Variants in HIP1 observed in about 807,000 individuals in gnomAD.
HIP1 encodes the protein huntingtin interacting protein 1, also known as huntingtin-interacting protein 1.
Under a neutral mutation model 147.6 loss-of-function variants are expected in HIP1, and 65 were observed. The observed-to-expected ratio is 0.44, with a 90% CI of 0.36 to 0.54. The LOEUF (loss-of-function observed/expected upper bound fraction) is 0.54. HIP1 is among the 20% of genes least tolerant of loss of function. The pLI, the probability that HIP1 is intolerant of heterozygous loss-of-function variation, is 0.00. For missense variants in HIP1, 1,061 were observed against 1,299.6 expected, an observed-to-expected ratio of 0.82 and a Z score of 2.82; for synonymous variants, 479 against 504.0, an observed-to-expected ratio of 0.95 and a Z score of 0.67.
intron 7 of HIP1, among the ~76,000 whole-genome samples, chr7:75,576,140 C>T (rs937918568): frequency 1.3e-5 from 2 of 152,152 alleles, no homozygotes; most frequent in African/African-American, 2.4e-5. Context: ...AGTGTCATCA[C>T]GGACAAGTTG....
In HIP1 at chr7:75,568,771, G is replaced by A. The variant is rs1795504956; in HGVS notation, c.746-515C>T. Reference sequence around the variant, plus strand: ...CGCATGTAATCCCAGCACTTTGGGAGGCTGAGGCAGGAGAATCACTTGAGG... The same window carrying A: ...CGCATGTAATCCCAGCACTTTGGGAAGCTGAGGCAGGAGAATCACTTGAGG... On this transcript the variant is annotated intron_variant, in intron 8 of 30. Transcript: ENST00000336926. This position sits in a 1 kb window ranked among gnomAD's most constrained non-coding sequence, Gnocchi z 4.1. 1.3e-5 allele frequency among the ~76,000 whole-genome samples: 2 copies of A among 152,212 alleles called. No individual in the cohort carries two copies. Among genetic ancestry groups the A allele is most frequent in the South Asian group, 4.1e-4 (2 of 4,836 alleles).
chr7:75,664,370 A>ATG (rs1799476053), intron 1 of HIP1, among the ~76,000 whole-genome samples: 4 of 64,376 alleles, frequency 6.2e-5, no homozygotes, highest in African/African-American at 1.6e-4. Flanking sequence ...ACATATATAC[A>ATG]CATACATATG....
intron 1 of HIP1, among the ~76,000 whole-genome samples, chr7:75,605,031 C>T (rs1233726798): frequency 1.3e-5 from 2 of 152,126 alleles, no homozygotes; most frequent in African/African-American, 2.4e-5. Context: ...TAAACTGAGA[C>T]ACTGCTCAAG....
At chr7:75,702,228 A>G (rs183834072) in intron 1 of HIP1, among the ~76,000 whole-genome samples, 361 of 151,822 alleles carry the variant, frequency 2.4e-3, no homozygotes, top group African/African-American at 8.5e-3. Context: ...CTCCTGCCTC[A>G]GCCTCCCGAG....
At position 75,542,848 on chromosome 7, in the gene HIP1, T is replaced by C; in HGVS notation, c.2890+3A>G. ...AAGAAAAGGGTCCCTTTGGAAAGGC[T>C]ACCTGTCTCTTCGATCTGTGATTTG... On this transcript the variant is annotated splice_donor_region_variant and intron_variant, in intron 28 of 30. Transcript: ENST00000336926. The C allele has an allele frequency of 6.2e-7, 1 of 1,614,002 alleles. No individual in the cohort carries two copies. Among genetic ancestry groups the C allele is most frequent in the Non-Finnish European group, 8.5e-7 (1 of 1,179,938 alleles).
intron 1 of HIP1, among the ~76,000 whole-genome samples, chr7:75,672,175 A>G (rs1410365400): frequency 1.3e-5 from 2 of 152,166 alleles, no homozygotes; most frequent in Non-Finnish European, 2.9e-5. Flanking sequence ...TTCTTTGAAG[A>G]AATGTCTATT....
intron 1 of HIP1, among the ~76,000 whole-genome samples, chr7:75,685,896 T>C (rs868953728): frequency 6.6e-6 from 1 of 151,784 alleles, no homozygotes; most frequent in African/African-American, 2.4e-5. Context: ...GTGGCCTTTT[T>C]TTGTTGTTGT....
At chr7:75,604,697 A>AAGGGAGGG (rs587704645) in intron 1 of HIP1, among the ~76,000 whole-genome samples, 3 of 142,328 alleles carry the variant, frequency 2.1e-5, no homozygotes, top group Non-Finnish European at 4.6e-5. Context: ...GGAAGGAAGG[A>AAGGGAGGG]AGGGAGGGAG....
chr7:75,669,992 G>T (rs1799685566), intron 1 of HIP1, among the ~76,000 whole-genome samples: 1 of 152,004 alleles, frequency 6.6e-6, no homozygotes, highest in Non-Finnish European at 1.5e-5. Context: ...GTAGAGACGG[G>T]GTTTCGTCAT....
At position 75,663,936 on chromosome 7, in the gene HIP1, A is replaced by ATATATATACACATATATGTG. The variant is rs1563277841; in HGVS notation, c.121-64690_121-64689insCACATATATGTGTATATATA. On this transcript the variant is annotated intron_variant, in intron 1 of 30. Transcript: ENST00000336926. ...CTTCCATTATTTTATGTATGTGTGT[A>ATATATATACACATATATGTG]TATATATATATACACATATATGTGT... Among the ~76,000 whole-genome samples the ATATATATACACATATATGTG allele has an allele frequency of 2.5e-3, 64 of 25,152 alleles. 16 individuals are homozygous for ATATATATACACATATATGTG. The highest frequency in any genetic ancestry group is 0.026 in the Middle Eastern group (1 of 38). The allele number at this position is 25,152 out of a possible 152,430, so 16.5% of individuals were successfully genotyped here.
chr7:75,539,809 G>A (rs1202561269), intron 29 of HIP1, among the ~76,000 whole-genome samples: 4 of 152,118 alleles, frequency 2.6e-5, no homozygotes, highest in Non-Finnish European at 5.9e-5. Flanking sequence ...ATCTTCTACT[G>A]GAAGTGAATG....
chr7:75,658,249 A>C (rs1799204084), intron 1 of HIP1, among the ~76,000 whole-genome samples: 1 of 152,032 alleles, frequency 6.6e-6, no homozygotes, highest in African/African-American at 2.4e-5. Context: ...CATCACACCC[A>C]GCTAGTTTTT....
At chr7:75,669,774 T>A (rs1343336424) in intron 1 of HIP1, among the ~76,000 whole-genome samples, 2 of 152,164 alleles carry the variant, frequency 1.3e-5, no homozygotes, top group Admixed American at 6.6e-5. Flanking sequence ...TGTTTAAGCA[T>A]GTTGTAGCAT....
At chr7:75,663,939 T>G (rs1799398085) in intron 1 of HIP1, among the ~76,000 whole-genome samples, 1 of 140,140 alleles carries the variant, frequency 7.1e-6, no homozygotes. Context: ...TGTGTGTATA[T>G]ATATATATAC....
At chr7:75,603,342 T>TAAA (rs1797080636) in intron 1 of HIP1, among the ~76,000 whole-genome samples, 1 of 69,330 alleles carries the variant, frequency 1.4e-5, no homozygotes, top group Admixed American at 1.4e-4. Flanking sequence ...AGCGAGACTC[T>TAAA]CAAAAAAAAA....
In HIP1 at chr7:75,617,268, G is replaced by A. The variant is rs587754008; in HGVS notation, c.121-18021C>T. Among the ~76,000 whole-genome samples the A allele has an allele frequency of 1.3e-4, 20 of 152,050 alleles. 1 individual carries two copies. Among genetic ancestry groups the A allele is most frequent in the Middle Eastern group, 6.8e-3 (2 of 294 alleles). On this transcript the variant is annotated intron_variant, in intron 1 of 30. Coordinates refer to ENST00000336926, the MANE Select transcript of HIP1 (RefSeq NM_005338.7). ...TTGTTTTGTAGTTTTTAGTAGAGAC[G>A]GGGTTTCACCATGTTGACCAGGCTG...
In HIP1 at chr7:75,592,493, T is replaced by C. The variant is rs1554501022; in HGVS notation, c.206A>G (p.His69Arg). The C allele has an allele frequency of 1.2e-6, 2 of 1,611,062 alleles. No homozygotes were observed. The highest frequency in any genetic ancestry group is 1.7e-6 in the Non-Finnish European group (2 of 1,179,408). ...HARTCILGTH[H>R]EKGAQTFWSV... ...CCAGAAGGTCTGTGCCCCTTTCTCA[T>C]GGTGGGTGCCCAGTATGCACGGTGA... The change falls in exon 3 of 31, where the codon CAT (histidine) becomes CGT (arginine). Residue 69 changes from histidine (H) to arginine (R), a missense_variant. Around this residue, in one of 3 missense-constraint regions of HIP1, gnomAD observed 225 missense variants for 292.9 expected, o/e 0.77. Coordinates refer to ENST00000336926, the MANE Select transcript of HIP1 (RefSeq NM_005338.7).
chr7:75,689,360 G>T (rs1554517906), intron 1 of HIP1, among the ~76,000 whole-genome samples: 2 of 152,006 alleles, frequency 1.3e-5, no homozygotes, highest in Non-Finnish European at 2.9e-5. Context: ...CCAAAAATTA[G>T]CTGGGTATGG....
chr7:75,574,165 T>C (rs1275533457), intron 7 of HIP1, among the ~76,000 whole-genome samples: 1 of 152,108 alleles, frequency 6.6e-6, no homozygotes, highest in African/African-American at 2.4e-5. Flanking sequence ...TGGTGGCGCA[T>C]GCCTGTAATC....
Sources: allele counts gnomAD v4.1 joint callset (sites outside exome capture counted in the v4.1 genomes callset), GRCh38; gene constraint gnomAD v4.1.1; regional missense constraint gnomAD v4.1.1; non-coding constraint Gnocchi (gnomAD v3.1); transcripts MANE v1.5; gene names NCBI Gene and HGNC (gene_info 2026-07-23, HGNC 2026-07-21).